The following CREB5 variants were observed in gnomAD, a reference collection of about 807,000 sequenced individuals.
CREB5 encodes the protein cyclic AMP-responsive element-binding protein 5.
A neutral mutation model predicts 57.1 loss-of-function variants in CREB5; 19 were observed. That is an observed-to-expected ratio of 0.33 (90% CI 0.23 to 0.49). The LOEUF (loss-of-function observed/expected upper bound fraction) is 0.49. CREB5 is among the 20% of genes least tolerant of loss of function. The pLI is 0.99. For missense variants in CREB5, 579 were observed against 671.6 expected, an observed-to-expected ratio of 0.86 and a Z score of 1.52; for synonymous variants, 238 against 238.3, an observed-to-expected ratio of 1.00 and a Z score of 0.01.
chr7:28,802,996 T>C (rs1808459948), intron 7 of CREB5, among the ~76,000 whole-genome samples: 1 of 152,240 alleles, frequency 6.6e-6, no homozygotes, highest in African/African-American at 2.4e-5. Context: ...CACCACAGTA[T>C]CAGAGTTGAG....
At chr7:28,793,265 G>T (rs1807832846) in intron 7 of CREB5, among the ~76,000 whole-genome samples, 2 of 152,224 alleles carry the variant, frequency 1.3e-5, no homozygotes, top group Admixed American at 6.5e-5. Context: ...GAAAAAGCAG[G>T]ACTGGACACC....
intron 1 of CREB5, among the ~76,000 whole-genome samples, chr7:28,392,316 C>T (rs918416824): frequency 1.3e-5 from 2 of 152,146 alleles, no homozygotes; most frequent in African/African-American, 4.8e-5. Flanking sequence ...TAAAAAAGAG[C>T]ATGCTTCTCA....
Position 28,443,019 on chromosome 7 carries a change from G to A in CREB5, c.3+30102G>A, listed in dbSNP as rs377642630. Among the ~76,000 whole-genome samples the A allele has an allele frequency of 5.0e-4, 76 of 152,224 alleles. 1 individual carries two copies. The highest frequency in any genetic ancestry group is 1.7e-3 in the African/African-American group (69 of 41,540). ...CAGAGCTCTCTATATGCCTTATTTCGTTTAATCTTCAGAACAACTCTATAA... is the reference window on the plus strand; with the variant it reads ...CAGAGCTCTCTATATGCCTTATTTCATTTAATCTTCAGAACAACTCTATAA... On this transcript the variant is annotated intron_variant, in intron 1 of 10. Coordinates refer to ENST00000357727, the MANE Select transcript of CREB5 (RefSeq NM_182898.4).
chr7:28,585,858 G>T (rs1796287126), intron 5 of CREB5, among the ~76,000 whole-genome samples: 2 of 152,148 alleles, frequency 1.3e-5, no homozygotes, highest in Non-Finnish European at 2.9e-5. Context: ...CACCTGTGCG[G>T]TCGGAACTAG....
chr7:28,635,862 C>G (rs1022903182), intron 5 of CREB5, among the ~76,000 whole-genome samples: 1 of 152,200 alleles, frequency 6.6e-6, no homozygotes, highest in Non-Finnish European at 1.5e-5. Flanking sequence ...GGCAGCCTAC[C>G]TGACAATTCA....
intron 9 of CREB5, among the ~76,000 whole-genome samples, chr7:28,810,608 A>G (rs941341360): frequency 2.6e-5 from 4 of 152,298 alleles, no homozygotes; most frequent in African/African-American, 9.6e-5. Context: ...AAGCAGGAGA[A>G]TGGCTTGAAT....
chr7:28,723,161 T>C (rs1803136211), intron 6 of CREB5, among the ~76,000 whole-genome samples: 1 of 152,214 alleles, frequency 6.6e-6, no homozygotes, highest in African/African-American at 2.4e-5. Flanking sequence ...CGTTGGCAAA[T>C]GGAAACACGC....
Position 28,570,527 on chromosome 7 carries a change from C to G in CREB5, c.454C>G (p.Arg152Gly). 1 of 1,613,818 alleles carries G rather than the reference C, an allele frequency of 6.2e-7. No individual in the cohort carries two copies. The highest frequency in any genetic ancestry group is 8.5e-7 in the Non-Finnish European group (1 of 1,179,858). ...CATCACTCAGGCACCTTCCACCAAC[C>G]GCCAGATCGGGTAAGGAGCCCTCCT... ...SVITQAPSTN[R>G]QIGPVPGSLS... The change falls in exon 5 of 11, where the codon CGC becomes GGC. Residue 152 changes from arginine (R) to glycine (G), a missense_variant. Arg to Gly is a moderately radical substitution (Grantham distance 125). Around this residue, in one of 3 missense-constraint regions of CREB5, gnomAD observed 459 missense variants for 515.7 expected, o/e 0.89. Transcript: ENST00000357727.
At chr7:28,560,969 T>TGTGCGTGTGTGC (rs1415795361) in intron 4 of CREB5, among the ~76,000 whole-genome samples, 1 of 24,956 alleles carries the variant, frequency 4.0e-5, no homozygotes, top group Non-Finnish European at 9.5e-5. Context: ...TGCGTGTGTG[T>TGTGCGTGTGTGC]GTGCGTGTGT....
At chr7:28,775,613 A>G (rs1806582918) in intron 7 of CREB5, among the ~76,000 whole-genome samples, 1 of 143,040 alleles carries the variant, frequency 7.0e-6, no homozygotes, top group African/African-American at 2.6e-5. Flanking sequence ...TGTTTTGTGT[A>G]TTCTTCTGCA....
chr7:28,340,550 G>T (rs1785917513), intron 1 of CREB5, among the ~76,000 whole-genome samples: 1 of 152,164 alleles, frequency 6.6e-6, no homozygotes, highest in Non-Finnish European at 1.5e-5. Flanking sequence ...CACCTTAAGT[G>T]GAAGGAAGGA....
chr7:28,454,247 G>A (rs368018774), intron 1 of CREB5, among the ~76,000 whole-genome samples: 5 of 152,098 alleles, frequency 3.3e-5, no homozygotes, highest in South Asian at 2.1e-4. Context: ...GCCACCACGC[G>A]CGGCTCCAAT....
chr7:28,672,184 A>ACACACACACAC (rs1439926301), intron 5 of CREB5, among the ~76,000 whole-genome samples: 6 of 139,216 alleles, frequency 4.3e-5, no homozygotes, highest in Admixed American at 7.3e-5. Context: ...GGAAAAAAAA[A>ACACACACACAC]AAAAACACAC....
intron 1 of CREB5, among the ~76,000 whole-genome samples, chr7:28,469,822 G>A (rs1790735501): frequency 6.6e-6 from 1 of 152,136 alleles, no homozygotes; most frequent in African/African-American, 2.4e-5. Context: ...GCACAGAGAG[G>A]TTAAGTGATT....
chr7:28,518,363 A>G (rs1793064813), intron 4 of CREB5, among the ~76,000 whole-genome samples: 1 of 152,202 alleles, frequency 6.6e-6, no homozygotes. Context: ...CTGATTGACT[A>G]CAGGTGATGC....
intron 4 of CREB5, among the ~76,000 whole-genome samples, chr7:28,526,481 T>C (rs1793453065): frequency 6.6e-6 from 1 of 152,262 alleles, no homozygotes; most frequent in Non-Finnish European, 1.5e-5. Context: ...ATCCTGCTTA[T>C]ACCATCTTAC....
chr7:28,704,605 C>A (rs1428392200), intron 5 of CREB5, among the ~76,000 whole-genome samples: 1 of 151,974 alleles, frequency 6.6e-6, no homozygotes, highest in Non-Finnish European at 1.5e-5. Context: ...ACTACAGGCA[C>A]CCCACCATGC....
chr7:28,555,245 T>C (rs1477941582), intron 4 of CREB5, among the ~76,000 whole-genome samples: 1 of 152,180 alleles, frequency 6.6e-6, no homozygotes, highest in Non-Finnish European at 1.5e-5. Flanking sequence ...GGCTGGCAAC[T>C]GTTCTCTCTT....
At chr7:28,733,906 G>T (rs1332711265) in intron 7 of CREB5, among the ~76,000 whole-genome samples, 2 of 152,194 alleles carry the variant, frequency 1.3e-5, no homozygotes, top group Non-Finnish European at 2.9e-5. Flanking sequence ...GAGAAGATAA[G>T]ATTTAAATCA....
Sources: allele counts gnomAD v4.1 joint callset (sites outside exome capture counted in the v4.1 genomes callset), GRCh38; gene constraint gnomAD v4.1.1; regional missense constraint gnomAD v4.1.1; transcripts MANE v1.5; gene names NCBI Gene and HGNC (gene_info 2026-07-23, HGNC 2026-07-21).